Variants in MYO7B observed in about 807,000 individuals in gnomAD.
MYO7B encodes unconventional myosin-VIIb.
MYO7B carries 212 observed loss-of-function variants against 259.7 expected under a neutral mutation model. The observed-to-expected ratio is 0.82, with a 90% CI of 0.73 to 0.91. The LOEUF is 0.91. Ranked by LOEUF, MYO7B falls within the 40% of genes least tolerant of loss-of-function variation. MYO7B has a pLI of 0.00. For synonymous variants in MYO7B, 1,197 were observed against 1,166.4 expected, an observed-to-expected ratio of 1.03 and a Z score of -0.54; for missense variants, 2,732 against 2,813.5, an observed-to-expected ratio of 0.97 and a Z score of 0.66.
At chr2:127,605,610 A>G (rs1680131874) in intron 19 of MYO7B, among the ~76,000 whole-genome samples, 2 of 152,152 alleles carry the variant, frequency 1.3e-5, no homozygotes, top group Non-Finnish European at 2.9e-5. Context: ...AAAACAAAAA[A>G]CAAAAAACAC....
intron 16 of MYO7B, among the ~76,000 whole-genome samples, chr2:127,592,167 G>T (rs2104974358): frequency 6.6e-6 from 1 of 152,342 alleles, no homozygotes; most frequent in Middle Eastern, 3.4e-3. Context: ...GCCAAGGCGG[G>T]CGGATCATTT....
chr2:127,536,611 G>T (rs553091630), intron 1 of MYO7B, among the ~76,000 whole-genome samples: 4 of 152,190 alleles, frequency 2.6e-5, no homozygotes, highest in Non-Finnish European at 4.4e-5. Flanking sequence ...GATTGTGAGA[G>T]CTGGCCCAGG....
rs1458521642 is a variant in MYO7B, at chr2:127,586,755, C to T, written c.1691-1637C>T. On this transcript the variant is annotated intron_variant, in intron 14 of 47. Coordinates refer to ENST00000409816, the MANE Select transcript of MYO7B (RefSeq NM_001393586.1). This position sits in a 1 kb window ranked among gnomAD's most constrained non-coding sequence, Gnocchi z 4.8. The stretch of plus-strand genomic sequence containing the variant: ...GCAGAAATATTAATTAAAACTAAGC[C>T]TTCTTTTTATTTTGGATACCATGCT... Among the ~76,000 whole-genome samples, 1 of 152,120 alleles carries T rather than the reference C, an allele frequency of 6.6e-6. No individual in the cohort carries two copies. Among genetic ancestry groups the T allele is most frequent in the Non-Finnish European group, 1.5e-5 (1 of 68,006 alleles).
Position 127,636,337 on chromosome 2 carries a change from C to T in MYO7B, c.6123+13C>T. 2.5e-6 allele frequency: 4 copies of T among 1,607,296 alleles called. No homozygotes were observed. The highest frequency in any genetic ancestry group is 3.4e-6 in the Non-Finnish European group (4 of 1,174,860). ...CTTCGAGGTGAAGGTAAACCTTGCC[C>T]CACGCCAGGGCCTCCTACCCAAGCA... On this transcript the variant is annotated intron_variant, in intron 45 of 47. Transcript: ENST00000409816. This position sits in a 1 kb window ranked among gnomAD's most constrained non-coding sequence, Gnocchi z 4.5.
In MYO7B at chr2:127,569,928, A is replaced by G. The variant is rs765660106; in HGVS notation, c.592+18A>G. ...CCTGGAGGGTAAGCATCACTCTGGG[A>G]CCCGCCCTTCTCCCCCAGCCCCCCT... On this transcript the variant is annotated intron_variant, in intron 6 of 47. Coordinates refer to ENST00000409816, the MANE Select transcript of MYO7B (RefSeq NM_001393586.1). 9 of 1,601,096 alleles carry G rather than the reference A, an allele frequency of 5.6e-6. No individual in the cohort carries two copies. Among genetic ancestry groups the G allele is most frequent in the Non-Finnish European group, 7.7e-6 (9 of 1,172,632 alleles).
rs138925639 is a variant in MYO7B, at chr2:127,577,633, C to T, written c.850-500C>T. 2.6e-3 allele frequency among the ~76,000 whole-genome samples: 392 copies of T among 152,284 alleles called. 2 individuals are homozygous for T. Among genetic ancestry groups the T allele is most frequent in the African/African-American group, 8.9e-3 (371 of 41,570 alleles). On this transcript the variant is annotated intron_variant, in intron 8 of 47. Coordinates refer to ENST00000409816, the MANE Select transcript of MYO7B (RefSeq NM_001393586.1). This position sits in a 1 kb window ranked among gnomAD's most constrained non-coding sequence, Gnocchi z 5.2. ...CTAAACTGCCCTCTGTCCTCAGAGG[C>T]GGTGGGGCCAGCTCTGCACCTCCTC...
Position 127,627,853 on chromosome 2 carries a change from ACAACAGAGTGGCACATG to A in MYO7B, c.4461-516_4461-500del, listed in dbSNP as rs1203402275. ...CCAGAGCGCCCCTTGGTTGAAGCACACAACAGAGTGGCACATGCATCTCTGGGCTGTGCCAGGTGTAC... is the reference window on the plus strand; with the variant it reads ...CCAGAGCGCCCCTTGGTTGAAGCACACATCTCTGGGCTGTGCCAGGTGTAC... On this transcript the variant is annotated intron_variant, in intron 33 of 47. Coordinates refer to ENST00000409816, the MANE Select transcript of MYO7B (RefSeq NM_001393586.1). The surrounding 1 kb of genome is among the most constrained non-coding windows in gnomAD (Gnocchi z 5.6). 1 of 458,076 alleles carries A rather than the reference ACAACAGAGTGGCACATG, an allele frequency of 2.2e-6. No homozygotes were observed. The highest frequency in any genetic ancestry group is 2.0e-5 in the African/African-American group (1 of 50,120). The allele number at this position is 458,076 out of a possible 1,614,324, so 28.4% of individuals were successfully genotyped here.
chr2:127,628,466 G>T lies in MYO7B; in HGVS notation c.4555G>T (p.Ala1519Ser). 1.3e-6 allele frequency: 2 copies of T among 1,571,766 alleles called. No individual in the cohort carries two copies. Among genetic ancestry groups the T allele is most frequent in the Non-Finnish European group, 1.7e-6 (2 of 1,159,630 alleles). ...PSSVAIAELV[A>S]LFLEGLKERS... is the part of the protein sequence containing the mutation. ...CAGTGTGGCCATCGCTGAGCTGGTGGCCCTGTTCCTGGAGGGCCTGAAGGA... is the reference window on the plus strand; with the variant it reads ...CAGTGTGGCCATCGCTGAGCTGGTGTCCCTGTTCCTGGAGGGCCTGAAGGA... Residue 1519 changes from alanine (A) to serine (S), a missense_variant, in exon 34 of 48, where the codon GCC becomes TCC. By Grantham distance (99) the Ala-to-Ser change is moderately conservative (BLOSUM62 1). Transcript: ENST00000409816. This position sits in a 1 kb window ranked among gnomAD's most constrained non-coding sequence, Gnocchi z 4.8.
chr2:127,589,692 G>C (rs1183258008), intron 15 of MYO7B, among the ~76,000 whole-genome samples: 1 of 137,446 alleles, frequency 7.3e-6, no homozygotes, highest in East Asian at 2.3e-4. Flanking sequence ...GTGGATGGGT[G>C]AGAGGGTGGA....
intron 12 of MYO7B, among the ~76,000 whole-genome samples, chr2:127,582,678 T>C (rs10194727): frequency 0.88 from 133,885 of 152,252 alleles, 59,193 homozygotes; most frequent in East Asian, 0.99. Flanking sequence ...TTTGTCACCC[T>C]TCTTGGGCCA....
At chr2:127,563,188 C>T (rs1305079584) in intron 2 of MYO7B, among the ~76,000 whole-genome samples, 1 of 152,198 alleles carries the variant, frequency 6.6e-6, no homozygotes, top group Non-Finnish European at 1.5e-5. Flanking sequence ...TGGTGAAATA[C>T]TTGGTCACAA....
In MYO7B at chr2:127,564,185, C is replaced by T. The variant is rs779910543; in HGVS notation, c.51C>T (p.Thr17=). ...ACGTGTGGCTGGAGCCTCCCTCCAC[C>T]CACAAGACCGGCGTGGCCATCGGGG... ...GDHVWLEPPS[T]HKTGVAIGGI... Residue 17 remains threonine, a synonymous_variant, in exon 3 of 48, where the codon ACC becomes ACT. Coordinates refer to ENST00000409816, the MANE Select transcript of MYO7B (RefSeq NM_001393586.1). 56 of 1,573,622 alleles carry T rather than the reference C, an allele frequency of 3.6e-5. No homozygotes were observed. Among genetic ancestry groups the T allele is most frequent in the Non-Finnish European group, 4.7e-5 (55 of 1,160,252 alleles).
At position 127,637,378 on chromosome 2, in the gene MYO7B, G is replaced by A; in HGVS notation, c.6390G>A (p.Lys2130=). ...YVQQLLSAMN[K]QRGSKAPALA... ...AGCAGCTCCTGAGTGCCATGAACAA[G>A]CAGCGGGGCTCCAAGGCCCCAGCCC... Residue 2130 remains lysine (K), a synonymous_variant, in exon 48 of 48, where the codon AAG becomes AAA. Coordinates refer to ENST00000409816, the MANE Select transcript of MYO7B (RefSeq NM_001393586.1). 1 of 1,581,800 alleles carries A rather than the reference G, an allele frequency of 6.3e-7. No individual in the cohort carries two copies. Among genetic ancestry groups the A allele is most frequent in the South Asian group, 1.2e-5 (1 of 86,284 alleles).
At chr2:127,561,995 G>C (rs1453233558) in intron 2 of MYO7B, among the ~76,000 whole-genome samples, 2 of 151,510 alleles carry the variant, frequency 1.3e-5, no homozygotes, top group Non-Finnish European at 2.9e-5. Flanking sequence ...GGTGAGGAGA[G>C]GGAGAAAGAA....
chr2:127,550,976 A>G, intron 1 of MYO7B, among the ~76,000 whole-genome samples: 1 of 151,962 alleles, frequency 6.6e-6, no homozygotes, highest in Middle Eastern at 3.4e-3. Flanking sequence ...TGGGGGTCAG[A>G]AATCTAAGAG....
intron 19 of MYO7B, among the ~76,000 whole-genome samples, chr2:127,603,906 G>C (rs1023330112): frequency 6.6e-6 from 1 of 152,158 alleles, no homozygotes; most frequent in East Asian, 1.9e-4. Flanking sequence ...GGCCAAGGTG[G>C]GTGGATCACA....
chr2:127,604,377 C>T lies in MYO7B; in HGVS notation c.2340-1467C>T, dbSNP rs184824697. 1.7e-4 allele frequency among the ~76,000 whole-genome samples: 26 copies of T among 152,312 alleles called. 1 individual carries two copies. In the East Asian group the frequency reaches 4.8e-3, roughly 28 times the overall value. ...AGAATTGAAGAGAATTAGGATCTTG[C>T]TCTGGGTTGGGCTTTGGCTTAAGGA... On this transcript the variant is annotated intron_variant, in intron 19 of 47. Transcript: ENST00000409816.
chr2:127,634,851 C>T, intron 42 of MYO7B, 168 bp downstream of exon 42: 1 of 693,826 alleles, frequency 1.4e-6, no homozygotes, highest in Non-Finnish European at 2.5e-6. Flanking sequence ...CCAGCTCAGG[C>T]AGAAACAGGT....
At chr2:127,573,320 A>T (rs1273031985) in intron 6 of MYO7B, among the ~76,000 whole-genome samples, 2 of 152,230 alleles carry the variant, frequency 1.3e-5, no homozygotes, top group African/African-American at 4.8e-5. Flanking sequence ...GTGCAGGTGG[A>T]CATGTGTATA....
Sources: allele counts gnomAD v4.1 joint callset (sites outside exome capture counted in the v4.1 genomes callset), GRCh38; gene constraint gnomAD v4.1.1; non-coding constraint Gnocchi (gnomAD v3.1); transcripts MANE v1.5; gene names NCBI Gene and HGNC (gene_info 2026-07-23, HGNC 2026-07-21).